GPHN: variants seen among roughly 807,000 people sequenced by gnomAD.
The protein encoded by GPHN is gephyrin.
In GPHN, 17 loss-of-function variants were observed where a neutral mutation model predicts 95.5. The ratio of observed to expected loss-of-function variants is 0.18; its 90% CI spans 0.12 to 0.27. GPHN has a LOEUF of 0.27. Ranked by LOEUF, GPHN falls within the 10% of genes least tolerant of loss-of-function variation. GPHN has a pLI of 1.00. For missense variants in GPHN, 660 were observed against 978.1 expected (o/e 0.67, Z 4.34); for synonymous variants, 320 against 322.5 (o/e 0.99, Z 0.08).
intron 11 of GPHN, chr14:67,059,027 AAAGG>A (rs1445389001): frequency 1.8e-6 from 1 of 567,932 alleles, no homozygotes; most frequent in African/African-American, 1.9e-5. Context: ...AAAAAAAAAA[AAAGG>A]AAGAAAATCA....
chr14:66,716,044 ATTGT>A (rs1170419571), intron 2 of GPHN, among the ~76,000 whole-genome samples: 4 of 151,800 alleles, frequency 2.6e-5, no homozygotes, highest in Admixed American at 2.6e-4. Context: ...GTTTAAATTG[ATTGT>A]TTCTTTGTTG....
chr14:67,150,898 C>G (rs934705168), intron 18 of GPHN, among the ~76,000 whole-genome samples: 14 of 152,122 alleles, frequency 9.2e-5, no homozygotes, highest in Non-Finnish European at 1.9e-4. Flanking sequence ...AAGTTAGTCT[C>G]ATTTGCTACA....
the GPHN span, chr14:67,729,270 G>A: frequency 6.2e-7 from 1 of 1,606,612 alleles, no homozygotes. Context: ...TGCTCTGCCT[G>A]CTCTGGCGGC....
intron 12 of GPHN, among the ~76,000 whole-genome samples, chr14:67,099,170 C>T (rs553326603): frequency 3.7e-4 from 55 of 150,530 alleles, no homozygotes; most frequent in Non-Finnish European, 6.5e-4. Context: ...AGTGCAATGG[C>T]ACGATCTCAG....
chr14:67,406,947 C>T, the GPHN span, among the ~76,000 whole-genome samples: 14 of 152,022 alleles, frequency 9.2e-5, no homozygotes, highest in African/African-American at 3.4e-4. Context: ...GTCTGTAATC[C>T]GCTGGCTGGA....
the GPHN span, among the ~76,000 whole-genome samples, chr14:67,685,868 G>C: frequency 1.3e-5 from 2 of 152,034 alleles, no homozygotes; most frequent in African/African-American, 4.8e-5. Flanking sequence ...TGCCCACCTC[G>C]GCCTCCCAAA....
intron 2 of GPHN, among the ~76,000 whole-genome samples, chr14:66,736,408 T>A (rs1349517987): frequency 1.3e-5 from 2 of 151,016 alleles, no homozygotes; most frequent in Non-Finnish European, 3.0e-5. Flanking sequence ...TTTTCTTTTT[T>A]TTTTTTTGAG....
the GPHN span, among the ~76,000 whole-genome samples, chr14:67,192,863 T>TATAGATATATAGATATATATCTAG: frequency 6.8e-6 from 1 of 146,626 alleles, no homozygotes; most frequent in African/African-American, 2.5e-5. Flanking sequence ...TATACAGATA[T>TATAGATATATAGATATATATCTAG]ATATAGATAT....
At chr14:67,441,428 C>T in the GPHN span, among the ~76,000 whole-genome samples, 1 of 152,182 alleles carries the variant, frequency 6.6e-6, no homozygotes, top group South Asian at 2.1e-4. Context: ...GCCCAGTGAA[C>T]CACTGTGTGG....
At chr14:67,412,073 C>A in the GPHN span, 2 of 1,536,270 alleles carry the variant, frequency 1.3e-6, no homozygotes, top group Admixed American at 4.0e-5. Context: ...GCCGCCCGCA[C>A]GCCAGGGCCA....
At chr14:67,600,109 C>T in the GPHN span, 9 of 1,597,342 alleles carry the variant, frequency 5.6e-6, no homozygotes, top group Non-Finnish European at 7.7e-6. Flanking sequence ...CCGAGGGCAG[C>T]TGAGGCAGAA....
intron 17 of GPHN, among the ~76,000 whole-genome samples, chr14:67,142,280 T>C (rs190506950): frequency 1.9e-4 from 29 of 152,358 alleles, no homozygotes; most frequent in Middle Eastern, 3.4e-3. Context: ...CAGGTCGCAT[T>C]GCCCAGTAGA....
chr14:66,956,099 A>T (rs929039612), intron 8 of GPHN, among the ~76,000 whole-genome samples: 1 of 152,010 alleles, frequency 6.6e-6, no homozygotes, highest in African/African-American at 2.4e-5. Context: ...CTCCACTATA[A>T]TTCTTATTAT....
At chr14:67,642,855 T>C in the GPHN span, among the ~76,000 whole-genome samples, 1 of 126,618 alleles carries the variant, frequency 7.9e-6, no homozygotes, top group Non-Finnish European at 1.6e-5. Context: ...CAGGCTGGAG[T>C]ACAGTGGCAT....
the GPHN span, among the ~76,000 whole-genome samples, chr14:67,527,435 T>C: frequency 6.6e-6 from 1 of 151,764 alleles, no homozygotes; most frequent in African/African-American, 2.4e-5. Context: ...TGAAACTCCA[T>C]CTCAAAAAAA....
chr14:66,734,034 A>G (rs981069893), intron 2 of GPHN, among the ~76,000 whole-genome samples: 1 of 152,178 alleles, frequency 6.6e-6, no homozygotes, highest in African/African-American at 2.4e-5. Flanking sequence ...CTATTCTACC[A>G]TCACCCTGGT....
chr14:67,034,821 A>G (rs2074342791), intron 10 of GPHN, among the ~76,000 whole-genome samples: 1 of 152,138 alleles, frequency 6.6e-6, no homozygotes, highest in Non-Finnish European at 1.5e-5. Context: ...ATAGACAATA[A>G]CACAATAATG....
chr14:66,837,730 G>T (rs1321087752), intron 4 of GPHN, among the ~76,000 whole-genome samples: 2 of 151,580 alleles, frequency 1.3e-5, no homozygotes, highest in African/African-American at 4.8e-5. Context: ...GTTCCTTGAG[G>T]TCAGAATTTT....
chr14:67,585,591 G>T, the GPHN span: 8 of 1,584,064 alleles, frequency 5.1e-6, no homozygotes, highest in Non-Finnish European at 6.0e-6. Flanking sequence ...CTTCCAAGGA[G>T]AACGCTCTGG....
Sources: gnomAD v4.1 joint callset for allele counts (sites outside exome capture counted in the v4.1 genomes callset) on GRCh38, gnomAD v4.1.1 for gene constraint, MANE v1.5 for transcripts, NCBI Gene and HGNC (gene_info 2026-07-23, HGNC 2026-07-21) for gene names.